Variants in RBFOX1 observed in about 807,000 individuals in gnomAD.
RBFOX1 encodes RNA binding protein fox-1 homolog 1.
Under a neutral mutation model 57.7 loss-of-function variants are expected in RBFOX1, and 8 were observed. The observed-to-expected ratio is 0.14, with a 90% CI of 0.08 to 0.25. RBFOX1 has a LOEUF of 0.25. RBFOX1 is among the 10% of genes least tolerant of loss of function. The pLI is 1.00. For missense variants in RBFOX1, 611 were observed against 548.5 expected, an observed-to-expected ratio of 1.11 and a Z score of -1.14; for synonymous variants, 326 against 222.4, an observed-to-expected ratio of 1.47 and a Z score of -4.15.
intron 3 of RBFOX1, among the ~76,000 whole-genome samples, chr16:7,045,832 A>G (rs1045132847): frequency 3.3e-5 from 5 of 151,738 alleles, no homozygotes; most frequent in East Asian, 1.9e-4. Flanking sequence ...ATTTTTTTGT[A>G]TTTTTAGTAG....
chr16:6,501,586 G>A lies in RBFOX1; in HGVS notation c.-63-153017G>A, dbSNP rs150416516. Among the ~76,000 whole-genome samples, 1,160 of 152,044 alleles carry A rather than the reference G, an allele frequency of 7.6e-3. 8 individuals are homozygous for A. The highest frequency in any genetic ancestry group is 0.011 in the Non-Finnish European group (737 of 67,990). Reference sequence around the variant, plus strand: ...CCAAGTCTTTGCTATTGTGAATAGTGCCACAATAAACATACGTGTGCATGC... The same window carrying A: ...CCAAGTCTTTGCTATTGTGAATAGTACCACAATAAACATACGTGTGCATGC... On this transcript the variant is annotated intron_variant, in intron 2 of 15. Transcript: ENST00000550418.
rs186585736 is a variant in RBFOX1, at chr16:7,434,192, C to T, written c.28-83955C>T. Among the ~76,000 whole-genome samples the T allele has an allele frequency of 1.9e-3, 285 of 151,762 alleles. 2 individuals carry two copies. The highest frequency in any genetic ancestry group is 2.7e-3 in the Non-Finnish European group (182 of 67,966). Reference sequence around the variant, plus strand: ...GGTGGTATAAGAGATGAAGGAGGGGCGGGGCGCGGTGGCTCACGGCTATAA... The same window carrying T: ...GGTGGTATAAGAGATGAAGGAGGGGTGGGGCGCGGTGGCTCACGGCTATAA... On this transcript the variant is annotated intron_variant, in intron 4 of 15. Coordinates refer to ENST00000550418, the MANE Select transcript of RBFOX1 (RefSeq NM_018723.4).
At chr16:6,043,058 T>G (rs1220195614) in intron 1 of RBFOX1, among the ~76,000 whole-genome samples, 1 of 135,396 alleles carries the variant, frequency 7.4e-6, no homozygotes, top group African/African-American at 2.8e-5. Context: ...GCAGAGGTTG[T>G]GTTGAGCCGA....
intron 4 of RBFOX1, among the ~76,000 whole-genome samples, chr16:7,495,621 T>C (rs548285774): frequency 2.2e-4 from 34 of 152,376 alleles, no homozygotes; most frequent in African/African-American, 7.9e-4. Context: ...ATATCTTCTT[T>C]TGAGAAATGT....
At chr16:7,697,476 A>AT (rs1379731822) in intron 14 of RBFOX1, among the ~76,000 whole-genome samples, 1 of 150,924 alleles carries the variant, frequency 6.6e-6, no homozygotes, top group East Asian at 1.9e-4. Context: ...ACTTACTGTC[A>AT]TTTATTGAGC....
chr16:7,676,783 G>C lies in RBFOX1; in HGVS notation c.940G>C (p.Ala314Pro), dbSNP rs768548714. Residue 314 changes from alanine (A) to proline (P), a missense_variant, in exon 14 of 16, where the codon GCT becomes CCT. Ala to Pro is a conservative substitution (Grantham distance 27). This residue lies in a region of RBFOX1 where 267 missense variants were observed against 229.1 expected (regional missense o/e 1.17). Transcript: ENST00000550418. ...TCTCCTTGTGTTTTAGGGTGGTTAT[G>C]CTGCATACCGCTACGCCCAGCCTAC... ...FYGADIYGGYAAYRYAQPTPA... is the reference protein window; with the variant it reads ...FYGADIYGGYPAYRYAQPTPA... The C allele has an allele frequency of 6.2e-7, 1 of 1,612,978 alleles. No individual in the cohort carries two copies. Among genetic ancestry groups the C allele is most frequent in the Admixed American group, 1.7e-5 (1 of 59,980 alleles).
intron 4 of RBFOX1, among the ~76,000 whole-genome samples, chr16:5,917,592 A>C (rs1219109626): frequency 6.6e-6 from 1 of 152,292 alleles, no homozygotes; most frequent in African/African-American, 2.4e-5. Context: ...TCTGGACTGC[A>C]CTGGGTGTGT....
At chr16:6,699,771 G>A (rs981190582) in intron 3 of RBFOX1, among the ~76,000 whole-genome samples, 1 of 152,090 alleles carries the variant, frequency 6.6e-6, no homozygotes, top group East Asian at 1.9e-4. Flanking sequence ...GGATAATGAG[G>A]CATAAGGACA....
chr16:6,907,522 A>C (rs1400219020), intron 3 of RBFOX1, among the ~76,000 whole-genome samples: 1 of 152,084 alleles, frequency 6.6e-6, no homozygotes, highest in Non-Finnish European at 1.5e-5. Context: ...AAACTGGGAG[A>C]GAGAATCGGT....
chr16:6,408,636 C>T (rs924702649), intron 2 of RBFOX1, among the ~76,000 whole-genome samples: 1 of 152,110 alleles, frequency 6.6e-6, no homozygotes, highest in African/African-American at 2.4e-5. Context: ...GCCAGTTTCT[C>T]TCCTCTTCCC....
chr16:7,522,849 T>C (rs886939942), intron 5 of RBFOX1, among the ~76,000 whole-genome samples: 2 of 152,200 alleles, frequency 1.3e-5, no homozygotes, highest in Admixed American at 1.3e-4. Context: ...TTTGTTGACA[T>C]ACAATAAACT....
At chr16:6,713,673 T>G (rs1253148872) in intron 3 of RBFOX1, among the ~76,000 whole-genome samples, 1 of 152,170 alleles carries the variant, frequency 6.6e-6, no homozygotes, top group East Asian at 1.9e-4. Flanking sequence ...TGCCCAAACA[T>G]CCCCTGTCCT....
intron 2 of RBFOX1, among the ~76,000 whole-genome samples, chr16:6,431,421 A>G (rs994712321): frequency 6.6e-6 from 1 of 152,112 alleles, no homozygotes; most frequent in Non-Finnish European, 1.5e-5. Context: ...GGTGGCATGC[A>G]GTGACGGTCC....
chr16:7,212,032 TG>T (rs1347431191), intron 4 of RBFOX1, among the ~76,000 whole-genome samples: 1 of 152,106 alleles, frequency 6.6e-6, no homozygotes, highest in Non-Finnish European at 1.5e-5. Flanking sequence ...TCACGGTTTC[TG>T]GAAAAGTGGG....
chr16:7,546,841 C>T (rs370644750), intron 5 of RBFOX1, among the ~76,000 whole-genome samples: 5 of 152,252 alleles, frequency 3.3e-5, no homozygotes, highest in South Asian at 4.1e-4. Context: ...CAAATATCAC[C>T]TTGATGAATT....
chr16:6,997,384 G>GA, intron 3 of RBFOX1, among the ~76,000 whole-genome samples: 1 of 152,256 alleles, frequency 6.6e-6, no homozygotes, highest in Non-Finnish European at 1.5e-5. Flanking sequence ...AACCTATGTT[G>GA]AAAATATGTT....
intron 4 of RBFOX1, among the ~76,000 whole-genome samples, chr16:7,153,961 G>T (rs10445041): frequency 6.6e-6 from 1 of 152,006 alleles, no homozygotes; most frequent in African/African-American, 2.4e-5. Flanking sequence ...TGGAGATAAA[G>T]AGAAAAAGCA....
intron 4 of RBFOX1, among the ~76,000 whole-genome samples, chr16:7,487,654 G>C (rs1353812142): frequency 6.6e-6 from 1 of 151,994 alleles, no homozygotes; most frequent in Admixed American, 6.6e-5. Flanking sequence ...AACACGCACT[G>C]AGACCGAGCA....
intron 4 of RBFOX1, among the ~76,000 whole-genome samples, chr16:7,294,223 G>C (rs2095847798): frequency 1.3e-5 from 2 of 152,012 alleles, no homozygotes. Flanking sequence ...TTTTGTCTCT[G>C]CCGCCTACCC....
Sources: gnomAD v4.1 joint callset for allele counts (sites outside exome capture counted in the v4.1 genomes callset) on GRCh38, gnomAD v4.1.1 for gene constraint, gnomAD v4.1.1 regional missense constraint, MANE v1.5 for transcripts, NCBI Gene and HGNC (gene_info 2026-07-23, HGNC 2026-07-21) for gene names.